Variants in ADK observed in about 807,000 individuals in gnomAD.
ADK encodes the protein adenosine kinase.
ADK carries 24 observed loss-of-function variants against 44.7 expected under a neutral mutation model. That is an observed-to-expected ratio of 0.54 (90% CI 0.39 to 0.76). ADK has a LOEUF of 0.76. Among genes scored for constraint, ADK ranks in the 30% least tolerant of loss-of-function variants. The pLI, the probability that ADK is intolerant of heterozygous loss-of-function variation, is 0.00. For synonymous variants in ADK, 128 were observed against 142.6 expected, an observed-to-expected ratio of 0.90 and a Z score of 0.73; for missense variants, 321 against 425.1, an observed-to-expected ratio of 0.76 and a Z score of 2.15.
At chr10:74,275,606 C>T (rs1846642534) in intron 3 of ADK, among the ~76,000 whole-genome samples, 1 of 152,114 alleles carries the variant, frequency 6.6e-6, no homozygotes, top group Non-Finnish European at 1.5e-5. Context: ...GATTTACAGC[C>T]CAGACTACTA....
At chr10:74,387,765 T>G (rs1843192936) in intron 4 of ADK, among the ~76,000 whole-genome samples, 1 of 152,250 alleles carries the variant, frequency 6.6e-6, no homozygotes, top group African/African-American at 2.4e-5. Flanking sequence ...GTTTTCCTAT[T>G]CCTCCAGTTA....
At chr10:74,502,613 G>A (rs777024478) in intron 6 of ADK, among the ~76,000 whole-genome samples, 14 of 151,956 alleles carry the variant, frequency 9.2e-5, no homozygotes, top group South Asian at 2.1e-4. Context: ...TTCAATAGAC[G>A]AAAGCACTCA....
At chr10:74,433,744 G>GT (rs1469371061) in intron 6 of ADK, among the ~76,000 whole-genome samples, 1 of 152,124 alleles carries the variant, frequency 6.6e-6, no homozygotes, top group South Asian at 2.1e-4. Flanking sequence ...TAAAGGAATT[G>GT]TTGACTTGTC....
chr10:74,538,580 G>A (rs1383795280), intron 7 of ADK, among the ~76,000 whole-genome samples: 3 of 152,188 alleles, frequency 2.0e-5, no homozygotes, highest in Admixed American at 2.0e-4. Context: ...AAGACTGCTA[G>A]ATAGATCAGG....
chr10:74,290,492 A>G (rs907590981), intron 3 of ADK, among the ~76,000 whole-genome samples: 10 of 152,172 alleles, frequency 6.6e-5, no homozygotes, highest in Admixed American at 6.5e-4. Context: ...ATGACTGAAG[A>G]AGTCTTCCAA....
rs572363998 is a variant in ADK at position 74,547,246 on chromosome 10, A to AT, written c.726+21824dup. 1.4e-3 allele frequency among the ~76,000 whole-genome samples: 207 copies of AT among 151,836 alleles called. 8 individuals carry two copies. The South Asian group carries it at 0.042, about 31-fold the overall frequency. On this transcript the variant is annotated intron_variant, in intron 7 of 10. Coordinates refer to ENST00000539909, the MANE Select transcript of ADK (RefSeq NM_006721.4). ...TGTCCCAAGAATGTTCTTTCTAGTG[A>AT]TTTTGTTTTCCAGGATCATGGATCA...
intron 7 of ADK, among the ~76,000 whole-genome samples, chr10:74,562,525 T>G (rs1850500408): frequency 6.6e-6 from 1 of 152,210 alleles, no homozygotes; most frequent in Non-Finnish European, 1.5e-5. Context: ...CTCCTTGTCC[T>G]AACTTTTAAC....
chr10:74,533,710 T>A (rs1443538895), intron 7 of ADK, among the ~76,000 whole-genome samples: 1 of 152,192 alleles, frequency 6.6e-6, no homozygotes, highest in Non-Finnish European at 1.5e-5. Context: ...CTTTGGAGAA[T>A]GGTGTTCTTG....
intron 2 of ADK, among the ~76,000 whole-genome samples, chr10:74,202,270 T>C (rs747213049): frequency 6.6e-6 from 1 of 152,236 alleles, no homozygotes; most frequent in Non-Finnish European, 1.5e-5. Flanking sequence ...TCAAGGTTCA[T>C]CCATGTTGTA....
In ADK at chr10:74,474,995, C is replaced by T. The variant is rs557896242; in HGVS notation, c.556-50261C>T. Among the ~76,000 whole-genome samples the T allele has an allele frequency of 9.2e-5, 14 of 152,078 alleles. No homozygotes were observed. In the South Asian group the frequency reaches 1.9e-3, roughly 20 times the overall value. ...ACAAAATTAACTGGGCGTGGTGGCA[C>T]GCACCTGTAATCCCAGCTACTTGGG... On this transcript the variant is annotated intron_variant, in intron 6 of 10. Coordinates refer to ENST00000539909, the MANE Select transcript of ADK (RefSeq NM_006721.4).
At chr10:74,228,986 G>C (rs1362907143) in intron 3 of ADK, among the ~76,000 whole-genome samples, 2 of 152,150 alleles carry the variant, frequency 1.3e-5, no homozygotes, top group Admixed American at 6.6e-5. Context: ...AAGGTAAACA[G>C]TGAACTTTTG....
At chr10:74,177,923 T>TTATATATATATATATATATATATA (rs1192890268) in intron 1 of ADK, among the ~76,000 whole-genome samples, 1 of 130,322 alleles carries the variant, frequency 7.7e-6, no homozygotes, top group African/African-American at 2.8e-5. Flanking sequence ...AATTGCATAA[T>TTATATATATATATATATATATATA]TATATATATA....
intron 1 of ADK, among the ~76,000 whole-genome samples, chr10:74,199,709 T>C (rs1008936894): frequency 3.3e-5 from 5 of 152,156 alleles, no homozygotes; most frequent in African/African-American, 1.2e-4. Context: ...AGGCAGAGTC[T>C]CGCTCTGTCG....
chr10:74,482,668 A>G lies in ADK; in HGVS notation c.556-42588A>G, dbSNP rs138097406. Among the ~76,000 whole-genome samples, 388 of 152,338 alleles carry G rather than the reference A, an allele frequency of 2.5e-3. 2 individuals carry two copies. The highest frequency in any genetic ancestry group is 9.0e-3 in the African/African-American group (373 of 41,580). On this transcript the variant is annotated intron_variant, in intron 6 of 10. Coordinates refer to ENST00000539909, the MANE Select transcript of ADK (RefSeq NM_006721.4). ...ATACAGTTAGTTACTTCCATGATAC[A>G]ATGGAGATACAGGCATTGGGTAAAT...
At chr10:74,278,305 G>C (rs957006977) in intron 3 of ADK, among the ~76,000 whole-genome samples, 3 of 140,652 alleles carry the variant, frequency 2.1e-5, no homozygotes, top group Non-Finnish European at 4.5e-5. Context: ...AGTGAGCTGA[G>C]ATTGCACCAC....
In ADK at chr10:74,300,236, T is replaced by TTCTC. The variant is rs149691370; in HGVS notation, c.195-14416_195-14413dup. On this transcript the variant is annotated intron_variant, in intron 3 of 10. Transcript: ENST00000539909. Reference sequence around the variant, plus strand: ...ATATTGTTGTTGTTTGTTTCTTTCTTTCTCTCTCTCTCTCTCTCCTTGTTT... The same window carrying TTCTC: ...ATATTGTTGTTGTTTGTTTCTTTCTTTCTCTCTCTCTCTCTCTCTCTCCTTGTTT... Among the ~76,000 whole-genome samples, 214 of 139,088 alleles carry TTCTC rather than the reference T, an allele frequency of 1.5e-3. 2 individuals carry two copies. The highest frequency in any genetic ancestry group is 4.2e-3 in the African/African-American group (152 of 36,238). 91.2% of individuals were successfully genotyped at this position (139,088 alleles called of 152,430 possible). A position where few individuals can be genotyped will look rare whatever the true frequency, so the allele number is the denominator to read the frequency against.
intron 9 of ADK, among the ~76,000 whole-genome samples, chr10:74,663,087 G>T (rs867585180): frequency 6.6e-6 from 1 of 151,650 alleles, no homozygotes; most frequent in South Asian, 2.1e-4. Context: ...AGTACAAAAA[G>T]TTAGCTGGGC....
In ADK at chr10:74,499,582, G is replaced by A. The variant is rs947645284; in HGVS notation, c.556-25674G>A. Among the ~76,000 whole-genome samples the A allele has an allele frequency of 1.1e-4, 17 of 152,102 alleles. 1 individual carries two copies. Among genetic ancestry groups the A allele is most frequent in the Non-Finnish European group, 7.4e-5 (5 of 68,008 alleles). ...GGGCGCCTGTAGTCCCAGCTGCTCA[G>A]GAGGCTGAGGCAGGAGAATGGCGTG... On this transcript the variant is annotated intron_variant, in intron 6 of 10. Transcript: ENST00000539909.
At chr10:74,230,712 T>C (rs1332208404) in intron 3 of ADK, among the ~76,000 whole-genome samples, 3 of 150,120 alleles carry the variant, frequency 2.0e-5, no homozygotes, top group Non-Finnish European at 4.4e-5. Flanking sequence ...AGACGGAGTC[T>C]CACTCTGTTG....
Sources: gnomAD v4.1 joint callset for allele counts (sites outside exome capture counted in the v4.1 genomes callset) on GRCh38, gnomAD v4.1.1 for gene constraint, MANE v1.5 for transcripts, NCBI Gene and HGNC (gene_info 2026-07-23, HGNC 2026-07-21) for gene names.